The following TSPAN18 variants were observed in gnomAD, a reference collection of about 807,000 sequenced individuals.
TSPAN18 encodes the protein tetraspanin 18.
A neutral mutation model predicts 27.3 loss-of-function variants in TSPAN18; 14 were observed. The ratio of observed to expected loss-of-function variants is 0.51; its 90% CI spans 0.34 to 0.80. The LOEUF is 0.80. Among genes scored for constraint, TSPAN18 ranks in the 30% least tolerant of loss-of-function variants. TSPAN18 has a pLI of 0.01. For synonymous variants in TSPAN18, 143 were observed against 136.5 expected (o/e 1.05, Z -0.33); for missense variants, 268 against 323.9 (o/e 0.83, Z 1.32).
At chr11:44,870,770 C>T (rs1176117901) in intron 3 of TSPAN18, among the ~76,000 whole-genome samples, 2 of 152,198 alleles carry the variant, frequency 1.3e-5, no homozygotes, top group Non-Finnish European at 2.9e-5. Flanking sequence ...TTATTTCAAA[C>T]ACATTGTTTA....
chr11:44,802,313 G>T (rs1055611439), intron 2 of TSPAN18, among the ~76,000 whole-genome samples: 1 of 151,534 alleles, frequency 6.6e-6, no homozygotes, highest in Non-Finnish European at 1.5e-5. Flanking sequence ...GCACAAAGTG[G>T]TTGAGGTGGG....
intron 3 of TSPAN18, among the ~76,000 whole-genome samples, chr11:44,862,196 C>T (rs572278239): frequency 2.8e-4 from 43 of 152,322 alleles, no homozygotes; most frequent in Admixed American, 1.3e-4. Context: ...TCTGGGGGCA[C>T]GAGGGTACAC....
At chr11:44,840,312 C>T (rs1857348171) in intron 2 of TSPAN18, among the ~76,000 whole-genome samples, 1 of 152,134 alleles carries the variant, frequency 6.6e-6, no homozygotes, top group Non-Finnish European at 1.5e-5. Flanking sequence ...TTTCCGCTGG[C>T]CTCTCTCCCT....
At chr11:44,757,208 C>A (rs1055472757) in intron 1 of TSPAN18, among the ~76,000 whole-genome samples, 33 of 152,128 alleles carry the variant, frequency 2.2e-4, no homozygotes, top group African/African-American at 8.0e-4. Context: ...TACATTCCCA[C>A]CAACAGTGGG....
chr11:44,769,833 C>T (rs1855650791), intron 2 of TSPAN18, among the ~76,000 whole-genome samples: 1 of 152,066 alleles, frequency 6.6e-6, no homozygotes, highest in Non-Finnish European at 1.5e-5. Flanking sequence ...AGCCAGAGTT[C>T]TATTGATTTT....
intron 3 of TSPAN18, among the ~76,000 whole-genome samples, chr11:44,902,309 T>C (rs1282453910): frequency 6.6e-6 from 1 of 152,186 alleles, no homozygotes; most frequent in Admixed American, 6.5e-5. Context: ...GAAAAGGTGA[T>C]GGGCTGGGAT....
intron 2 of TSPAN18, among the ~76,000 whole-genome samples, chr11:44,765,018 T>G (rs555125282): frequency 2.0e-5 from 3 of 152,302 alleles, no homozygotes; most frequent in African/African-American, 7.2e-5. Context: ...CAGAAAAGCC[T>G]TGGTCTGTTT....
intron 2 of TSPAN18, among the ~76,000 whole-genome samples, chr11:44,857,201 C>A (rs956966354): frequency 2.6e-5 from 4 of 152,210 alleles, no homozygotes; most frequent in African/African-American, 4.8e-5. Flanking sequence ...CTGCTGTTTC[C>A]TGGGTTATCT....
intron 2 of TSPAN18, among the ~76,000 whole-genome samples, chr11:44,811,155 CACACACACACACACACACA>C (rs1856705686): frequency 1.3e-5 from 2 of 151,664 alleles, no homozygotes; most frequent in Non-Finnish European, 2.9e-5. Flanking sequence ...CACACACACA[CACACACACACACACACACA>C]CCCCTGCCTG....
chr11:44,847,312 G>C (rs1199645616), intron 2 of TSPAN18, among the ~76,000 whole-genome samples: 1 of 152,006 alleles, frequency 6.6e-6, no homozygotes, highest in Non-Finnish European at 1.5e-5. Context: ...TGTGAACCTG[G>C]CTCCCTCACT....
chr11:44,780,167 A>G (rs1224150427), intron 2 of TSPAN18, among the ~76,000 whole-genome samples: 1 of 151,816 alleles, frequency 6.6e-6, no homozygotes, highest in African/African-American at 2.4e-5. Flanking sequence ...ATTCACTTCA[A>G]ATATGTCCTC....
At chr11:44,919,028 TCCAC>T (rs1860023933) in intron 6 of TSPAN18, among the ~76,000 whole-genome samples, 182 bp from the exon 7 acceptor site, 1 of 151,722 alleles carries the variant, frequency 6.6e-6, no homozygotes, top group South Asian at 2.1e-4. Flanking sequence ...ACTTCCTTTC[TCCAC>T]TGGGGATAAG....
chr11:44,801,186 A>T (rs1856472099), intron 2 of TSPAN18, among the ~76,000 whole-genome samples: 1 of 152,240 alleles, frequency 6.6e-6, no homozygotes, highest in Admixed American at 6.5e-5. Context: ...CAATTGGTAC[A>T]TAGGGGTTCA....
At chr11:44,894,288 A>G (rs1329429917) in intron 3 of TSPAN18, among the ~76,000 whole-genome samples, 2 of 152,200 alleles carry the variant, frequency 1.3e-5, no homozygotes, top group Middle Eastern at 3.2e-3. Context: ...GTGGGAACGC[A>G]GTTGCAGGGG....
intron 2 of TSPAN18, among the ~76,000 whole-genome samples, chr11:44,850,334 C>T (rs959955699): frequency 3.9e-5 from 6 of 152,110 alleles, no homozygotes; most frequent in Admixed American, 2.0e-4. Flanking sequence ...GATGACAATT[C>T]CGTGTCCTTG....
intron 3 of TSPAN18, among the ~76,000 whole-genome samples, chr11:44,876,094 A>C (rs952424048): frequency 2.0e-5 from 3 of 152,114 alleles, no homozygotes; most frequent in African/African-American, 7.2e-5. Flanking sequence ...GGAGCTCCGG[A>C]GAGGAAGGAC....
intron 2 of TSPAN18, among the ~76,000 whole-genome samples, chr11:44,848,044 C>T (rs776148099): frequency 6.6e-6 from 1 of 152,132 alleles, no homozygotes; most frequent in Non-Finnish European, 1.5e-5. Context: ...CCATGTTGGC[C>T]AGGCTAGTCT....
rs573484596 is a variant in TSPAN18, at chr11:44,760,859, ATAGT to A, written c.-239-3564_-239-3561del. ...GATGCATTGTGCAAAAAGTGATATCATAGTTAATTTAATTAATTGGTAGTGTTTT... is the reference window on the plus strand; with the variant it reads ...GATGCATTGTGCAAAAAGTGATATCATAATTTAATTAATTGGTAGTGTTTT... On this transcript the variant is annotated intron_variant, in intron 1 of 9. Transcript: ENST00000520358. 9.8e-5 allele frequency among the ~76,000 whole-genome samples: 15 copies of A among 152,322 alleles called. No homozygotes were observed. In the South Asian group the frequency reaches 3.1e-3, roughly 32 times the overall value.
At chr11:44,928,016 C>T (rs1565024948) in intron 9 of TSPAN18, among the ~76,000 whole-genome samples, 2 of 152,206 alleles carry the variant, frequency 1.3e-5, no homozygotes, top group African/African-American at 4.8e-5. Context: ...AGACGGAGAC[C>T]TTTACATGGC....
Sources: allele counts gnomAD v4.1 joint callset (sites outside exome capture counted in the v4.1 genomes callset), GRCh38; gene constraint gnomAD v4.1.1; transcripts MANE v1.5; gene names NCBI Gene and HGNC (gene_info 2026-07-23, HGNC 2026-07-21).